Variants in SLC27A1 observed in about 807,000 individuals in gnomAD.
SLC27A1 encodes solute carrier family 27 member 1, also known as long-chain fatty acid transport protein 1.
Under a neutral mutation model 62.2 loss-of-function variants are expected in SLC27A1, and 61 were observed. That is an observed-to-expected ratio of 0.98 (90% CI 0.80 to 1.21). The LOEUF (loss-of-function observed/expected upper bound fraction) is 1.21, where lower values mean the gene tolerates loss of function less well. SLC27A1 is among the 50% of genes most tolerant of loss of function. SLC27A1 has a pLI of 0.00. For missense variants in SLC27A1, 903 were observed against 932.1 expected, an observed-to-expected ratio of 0.97 and a Z score of 0.41; for synonymous variants, 435 against 408.6, an observed-to-expected ratio of 1.06 and a Z score of -0.78.
Position 17,505,042 on chromosome 19 carries a change from C to T in SLC27A1, c.*430C>T, listed in dbSNP as rs932411634. On this transcript the variant is annotated 3_prime_UTR_variant, in exon 12 of 12. Transcript: ENST00000252595. ...CTGAGTAGCTGGGATTACAGGCACC[C>T]GCCACCACGTCCAGCTAATTTTTAT... The T allele has an allele frequency of 5.8e-5, 21 of 359,254 alleles. No individual in the cohort carries two copies. The highest frequency in any genetic ancestry group is 3.8e-4 in the South Asian group (18 of 46,828). The allele number at this position is 359,254 out of a possible 1,614,324, so 22.3% of individuals were successfully genotyped here. A position where few individuals can be genotyped will look rare whatever the true frequency, so the allele number is the denominator to read the frequency against.
At chr19:17,491,638 G>A (rs1390843977) in intron 6 of SLC27A1, among the ~76,000 whole-genome samples, 2 of 152,252 alleles carry the variant, frequency 1.3e-5, no homozygotes, top group African/African-American at 4.8e-5. Flanking sequence ...TTGGGAAGCC[G>A]AGGCGGGAGG....
In SLC27A1 at chr19:17,500,313, C is replaced by T. The variant is rs1358025079; in HGVS notation, c.1242C>T (p.Pro414=). The change falls in exon 8 of 12, where the codon CCC becomes CCT. Residue 414 remains proline, a synonymous_variant. Transcript: ENST00000252595. The part of the protein sequence containing the change: ...GSCGFNSRIL[P]HVYPIRLVKV... Reference sequence around the variant, plus strand: ...GTGGTTTCAACAGCCGCATCCTGCCCCACGTGTACCCCATCCGGCTGGTGA... The same window carrying T: ...GTGGTTTCAACAGCCGCATCCTGCCTCACGTGTACCCCATCCGGCTGGTGA... 2 of 1,614,106 alleles carry T rather than the reference C, an allele frequency of 1.2e-6. No homozygotes were observed. The highest frequency in any genetic ancestry group is 1.1e-5 in the South Asian group (1 of 91,092).
chr19:17,502,853 T>C (rs1274264151), intron 11 of SLC27A1, among the ~76,000 whole-genome samples: 3 of 152,054 alleles, frequency 2.0e-5, no homozygotes, highest in Admixed American at 6.6e-5. Context: ...GCCTGACTAA[T>C]TTTTTTGATT....
At position 17,502,335 on chromosome 19, in the gene SLC27A1, G is replaced by GTTTTTT. The variant is rs1175394305; in HGVS notation, c.1783+919_1783+924dup. 2.1e-3 allele frequency among the ~76,000 whole-genome samples: 159 copies of GTTTTTT among 75,898 alleles called. 33 individuals are homozygous for GTTTTTT. The highest frequency in any genetic ancestry group is 2.9e-3 in the Non-Finnish European group (118 of 40,074). The allele number at this position is 75,898 out of a possible 152,430, so 49.8% of individuals were successfully genotyped here. On this transcript the variant is annotated intron_variant, in intron 11 of 11. Transcript: ENST00000252595. ...CTGCCACTAAGCATTCTGAAATAGT[G>GTTTTTT]TTTTTTTTGTTTTTTTTTTTTTTTT...
chr19:17,494,297 A>C (rs1452028889), intron 6 of SLC27A1, among the ~76,000 whole-genome samples: 1 of 151,142 alleles, frequency 6.6e-6, no homozygotes, highest in Admixed American at 6.6e-5. Flanking sequence ...TGCTGGGATT[A>C]CAGGCGTGAG....
At chr19:17,481,772 G>T (rs1372140056) in intron 1 of SLC27A1, among the ~76,000 whole-genome samples, 1 of 152,188 alleles carries the variant, frequency 6.6e-6, no homozygotes, top group African/African-American at 2.4e-5. Context: ...CTTCCAAAGT[G>T]CTGGGATTAC....
At position 17,489,174 on chromosome 19, in the gene SLC27A1, C is replaced by G. The variant is rs1027967628; in HGVS notation, c.996+57C>G. On this transcript the variant is annotated intron_variant, in intron 6 of 11. Transcript: ENST00000252595. Reference sequence around the variant, plus strand: ...GCCCCTCCCAGCCAGGCCTCACCCCCTCCCAATCAGGCCCCACCTCCTCCC... The same window carrying G: ...GCCCCTCCCAGCCAGGCCTCACCCCGTCCCAATCAGGCCCCACCTCCTCCC... 25 of 1,461,244 alleles carry G rather than the reference C, an allele frequency of 1.7e-5. No homozygotes were observed. In the Admixed American group the frequency reaches 4.4e-4, roughly 26 times the overall value. 90.5% of individuals were successfully genotyped at this position (1,461,244 alleles called of 1,614,324 possible).
In SLC27A1 at chr19:17,497,792, T is replaced by A. The variant is rs141738904; in HGVS notation, c.1206+328T>A. The stretch of plus-strand genomic sequence containing the variant: ...TGGAGATTAGCAAGGAGAATAGGGC[T>A]CTGTGTACCGTGCTGTTATTTTGTT... On this transcript the variant is annotated intron_variant, in intron 7 of 11. Coordinates refer to ENST00000252595, the MANE Select transcript of SLC27A1 (RefSeq NM_198580.3). 138 of 351,616 alleles carry A rather than the reference T, an allele frequency of 3.9e-4. 1 individual carries two copies. In the East Asian group the frequency reaches 9.1e-3, roughly 23 times the overall value. 21.8% of individuals were successfully genotyped at this position (351,616 alleles called of 1,614,324 possible).
rs1477315871 is a variant in SLC27A1, at chr19:17,486,303, C to T, written c.168-260C>T. Among the ~76,000 whole-genome samples the T allele has an allele frequency of 6.6e-6, 1 of 152,206 alleles. No homozygotes were observed. The highest frequency in any genetic ancestry group is 2.4e-5 in the African/African-American group (1 of 41,448). On this transcript the variant is annotated intron_variant, in intron 1 of 11. Transcript: ENST00000252595. This position sits in a 1 kb window ranked among gnomAD's most constrained non-coding sequence, Gnocchi z 6.6. ...GGATGGGTTCAGGCCCCAGCTCCCC[C>T]AGGGCCACCAAGCCAGCTGGGGTAT...
At position 17,497,432 on chromosome 19, in the gene SLC27A1, T is replaced by G. The variant is rs1599669239; in HGVS notation, c.1174T>G (p.Cys392Gly). 3.2e-6 allele frequency: 5 copies of G among 1,586,586 alleles called. No individual in the cohort carries two copies. Among genetic ancestry groups the G allele is most frequent in the East Asian group, 2.4e-5 (1 of 42,348 alleles). The change falls in exon 7 of 12, where the codon TGC becomes GGC. Residue 392 changes from cysteine to glycine, a missense_variant. Cys to Gly is a radical substitution (Grantham distance 159, BLOSUM62 -3). Transcript: ENST00000252595. Reference sequence around the variant, plus strand: ...CGGGGAGTTCTACGGCGCCACCGAGTGCAACTGCAGCATTGCCAACATGGA... The same window carrying G: ...CGGGGAGTTCTACGGCGCCACCGAGGGCAACTGCAGCATTGCCAACATGGA... ...QIGEFYGATE[C>G]NCSIANMDGK...
intron 1 of SLC27A1, among the ~76,000 whole-genome samples, chr19:17,479,421 G>A (rs2075154420): frequency 1.3e-5 from 2 of 152,068 alleles, no homozygotes; most frequent in Non-Finnish European, 2.9e-5. Flanking sequence ...GCAGCGGGGG[G>A]CCCCATTCTT....
At chr19:17,472,957 G>C (rs1044371712) in intron 1 of SLC27A1, among the ~76,000 whole-genome samples, 2 of 152,034 alleles carry the variant, frequency 1.3e-5, no homozygotes, top group Non-Finnish European at 2.9e-5. Flanking sequence ...TCCGCTCCTG[G>C]ATAGTTAATA....
rs367846152 is a variant in SLC27A1, at chr19:17,486,909, G to T, written c.514G>T (p.Gly172Cys). 2 of 1,591,840 alleles carry T rather than the reference G, an allele frequency of 1.3e-6. No individual in the cohort carries two copies. Among genetic ancestry groups the T allele is most frequent in the Non-Finnish European group, 1.7e-6 (2 of 1,176,266 alleles). ...LRREPLAFCL[G>C]TSGAKALIFG... ...GCGCGAGCCCCTGGCCTTCTGCCTG[G>T]GCACCTCGGGCGCTAAGGCCCTGAT... The change falls in exon 2 of 12, where the codon GGC (glycine) becomes TGC (cysteine). Residue 172 changes from glycine (G) to cysteine (C), a missense_variant. Physicochemically the swap from Gly to Cys is radical, Grantham distance 159. Transcript: ENST00000252595. The surrounding 1 kb of genome is among the most constrained non-coding windows in gnomAD (Gnocchi z 6.6).
chr19:17,490,559 A>G (rs887025017), intron 6 of SLC27A1, among the ~76,000 whole-genome samples: 3 of 152,108 alleles, frequency 2.0e-5, no homozygotes, highest in Non-Finnish European at 4.4e-5. Flanking sequence ...CCCAGAGGCT[A>G]TCAGATACCC....
chr19:17,479,482 T>A (rs2075155177), intron 1 of SLC27A1, among the ~76,000 whole-genome samples: 3 of 152,194 alleles, frequency 2.0e-5, no homozygotes, highest in Admixed American at 1.3e-4. Context: ...GTATAGGTCA[T>A]CCCTCCCCTG....
chr19:17,480,541 CTTTTTTTT>C (rs3079223), intron 1 of SLC27A1, among the ~76,000 whole-genome samples: 1 of 111,776 alleles, frequency 8.9e-6, no homozygotes, highest in South Asian at 2.8e-4. Context: ...TAATTTTTTT[CTTTTTTTT>C]TTTTTTTTTG....
Position 17,500,764 on chromosome 19 carries a change from C to G in SLC27A1, c.1524C>G (p.Ser508Arg), listed in dbSNP as rs759958817. 8 of 1,613,546 alleles carry G rather than the reference C, an allele frequency of 5.0e-6. No individual in the cohort carries two copies. In the South Asian group the frequency reaches 7.7e-5, roughly 16 times the overall value. ...ELGYMYFRDR[S>R]GDTFRWRGEN... is the part of the protein sequence containing the mutation. ...GCTACATGTACTTCCGGGACCGTAG[C>G]GGGGACACCTTCCGCTGGCGAGGGG... is the stretch of plus-strand genomic sequence containing the variant. The change falls in exon 10 of 12, where the codon AGC becomes AGG. Residue 508 changes from serine (S) to arginine (R), a missense_variant. By Grantham distance (110) the Ser-to-Arg change is moderately radical. Coordinates refer to ENST00000252595, the MANE Select transcript of SLC27A1 (RefSeq NM_198580.3).
In SLC27A1 at chr19:17,500,697, T is replaced by A. The variant is rs1232423581; in HGVS notation, c.1472-15T>A. The A allele has an allele frequency of 6.2e-7, 1 of 1,613,972 alleles. No homozygotes were observed. Among genetic ancestry groups the A allele is most frequent in the East Asian group, 2.2e-5 (1 of 44,882 alleles). On this transcript the variant is annotated splice_polypyrimidine_tract_variant and intron_variant, in intron 9 of 11. Transcript: ENST00000252595. ...TGGGGATCCTCCACCCATCTGCCCC[T>A]CTCCCCTCTGCCAGGTGACGTGCTA...
chr19:17,469,280 G>A (rs1386087745), upstream of SLC27A1, among the ~76,000 whole-genome samples: 1 of 152,146 alleles, frequency 6.6e-6, no homozygotes, highest in Non-Finnish European at 1.5e-5. Flanking sequence ...AGACTTCTGA[G>A]GCCCCAATGG....
Sources: gnomAD v4.1 joint callset for allele counts (sites outside exome capture counted in the v4.1 genomes callset) on GRCh38, gnomAD v4.1.1 for gene constraint, Gnocchi (gnomAD v3.1) non-coding constraint, MANE v1.5 for transcripts, NCBI Gene and HGNC (gene_info 2026-07-23, HGNC 2026-07-21) for gene names.